The following TMEFF2 variants were observed in gnomAD, a reference collection of about 807,000 sequenced individuals.
TMEFF2 encodes the protein tomoregulin-2.
TMEFF2 carries 28 observed loss-of-function variants against 53.8 expected under a neutral mutation model. The observed-to-expected ratio is 0.52, with a 90% CI of 0.39 to 0.71. The LOEUF (loss-of-function observed/expected upper bound fraction) is 0.71. Among genes scored for constraint, TMEFF2 ranks in the 30% least tolerant of loss-of-function variants. The probability of loss-of-function intolerance (pLI) is 0.00; values close to 1 mark genes in which losing one functional copy is unlikely to be tolerated. For synonymous variants in TMEFF2, 162 were observed against 166.3 expected, an observed-to-expected ratio of 0.97 and a Z score of 0.20; for missense variants, 353 against 455.2, an observed-to-expected ratio of 0.78 and a Z score of 2.04.
At chr2:191,994,741 G>A (rs952303027) in intron 7 of TMEFF2, among the ~76,000 whole-genome samples, 3 of 151,900 alleles carry the variant, frequency 2.0e-5, no homozygotes, top group African/African-American at 4.8e-5. Context: ...TTGTGTTCCC[G>A]AATCTTTCTG....
Position 192,057,714 on chromosome 2 carries a change from A to G in TMEFF2, c.501T>C (p.Phe167=), listed in dbSNP as rs750880964. The change falls in exon 5 of 10, where the codon TTT becomes TTC. Residue 167 remains phenylalanine, a synonymous_variant. Coordinates refer to ENST00000272771, the MANE Select transcript of TMEFF2 (RefSeq NM_016192.4). ...CGGCATCTTCGTCACATTCTGCACC[A>G]AACTGGCAAATATCACAGGTGGATG... The part of the protein sequence containing the change: ...KETSTCDICQ[F]GAECDEDAED... The G allele has an allele frequency of 1.7e-5, 28 of 1,613,976 alleles. 1 individual carries two copies. The South Asian group carries it at 3.0e-4, about 17-fold the overall frequency.
Position 191,949,406 on chromosome 2 carries a change from T to TCTAA in TMEFF2, c.*901_*904dup, listed in dbSNP as rs758317381. 122 of 985,282 alleles carry TCTAA rather than the reference T, an allele frequency of 1.2e-4. No homozygotes were observed. Among genetic ancestry groups the TCTAA allele is most frequent in the East Asian group, 2.3e-4 (2 of 8,834 alleles). The allele number at this position is 985,282 out of a possible 1,614,324, so 61.0% of individuals were successfully genotyped here. On this transcript the variant is annotated 3_prime_UTR_variant, in exon 10 of 10. Coordinates refer to ENST00000272771, the MANE Select transcript of TMEFF2 (RefSeq NM_016192.4). The stretch of plus-strand genomic sequence containing the variant: ...CTATTCATGGGGTATTGGTTGTGAT[T>TCTAA]CTAACTTCTTTTCAAAGAACTATAT...
At chr2:192,183,998 A>G (rs554092058) in intron 3 of TMEFF2, among the ~76,000 whole-genome samples, 117 of 152,240 alleles carry the variant, frequency 7.7e-4, no homozygotes, top group African/African-American at 2.7e-3. Context: ...ACAAACACAA[A>G]TAAACAATAC....
chr2:192,157,757 G>T (rs1017665390), intron 4 of TMEFF2, among the ~76,000 whole-genome samples: 2 of 151,966 alleles, frequency 1.3e-5, no homozygotes, highest in East Asian at 3.9e-4. Context: ...TAAAATCTTT[G>T]ATAATAGGAA....
At position 192,016,809 on chromosome 2, in the gene TMEFF2, G is replaced by T. The variant is rs553099176; in HGVS notation, c.537-17601C>A. Among the ~76,000 whole-genome samples the T allele has an allele frequency of 4.6e-5, 7 of 152,306 alleles. No homozygotes were observed. In the South Asian group the frequency reaches 6.2e-4, roughly 14 times the overall value. Reference sequence around the variant, plus strand: ...GCTGTAGAAGAAAAATTGCAAAGCAGAATTTTAGTGTTTTCATTCATTTAG... The same window carrying T: ...GCTGTAGAAGAAAAATTGCAAAGCATAATTTTAGTGTTTTCATTCATTTAG... On this transcript the variant is annotated intron_variant, in intron 5 of 9. Transcript: ENST00000272771.
rs1574323274 is a variant in TMEFF2, at chr2:192,046,801, G to C, written c.536+10878C>G. ...GAAGACAATTTTAATTGAAAGTTAA[G>C]TTGCATACTGTAATCAAATATATCA... On this transcript the variant is annotated intron_variant, in intron 5 of 9. Coordinates refer to ENST00000272771, the MANE Select transcript of TMEFF2 (RefSeq NM_016192.4). Among the ~76,000 whole-genome samples the C allele has an allele frequency of 1.3e-5, 2 of 151,920 alleles. 1 individual carries two copies. The highest frequency in any genetic ancestry group is 4.8e-5 in the African/African-American group (2 of 41,332).
At chr2:192,075,330 T>TATATATATATATATATATATAC (rs1559115271) in intron 4 of TMEFF2, among the ~76,000 whole-genome samples, 1 of 100,980 alleles carries the variant, frequency 9.9e-6, no homozygotes, top group African/African-American at 4.2e-5. Flanking sequence ...TATATATATA[T>TATATATATATATATATATATAC]ATACATACAT....
chr2:192,147,401 T>C (rs1194423000), intron 4 of TMEFF2, among the ~76,000 whole-genome samples: 1 of 152,084 alleles, frequency 6.6e-6, no homozygotes, highest in Admixed American at 6.6e-5. Flanking sequence ...TACATATGTA[T>C]ACATGTGCCA....
intron 7 of TMEFF2, among the ~76,000 whole-genome samples, chr2:191,965,509 A>C (rs1692444791): frequency 6.6e-6 from 1 of 152,190 alleles, no homozygotes. Context: ...AGAAAACGTG[A>C]GTACATTTTG....
intron 4 of TMEFF2, among the ~76,000 whole-genome samples, chr2:192,082,623 A>G (rs1688579193): frequency 6.6e-6 from 1 of 152,076 alleles, no homozygotes; most frequent in Admixed American, 6.5e-5. Context: ...TATGTTTGTT[A>G]ACTATGTTTA....
At chr2:192,053,227 CCTT>C (rs1168220786) in intron 5 of TMEFF2, among the ~76,000 whole-genome samples, 26 of 152,104 alleles carry the variant, frequency 1.7e-4, no homozygotes, top group African/African-American at 5.3e-4. Context: ...CTTTTATTCT[CCTT>C]CTCTTTCCCC....
Position 191,949,091 on chromosome 2 carries a change from C to T in TMEFF2, c.*1220G>A. 4.1e-6 allele frequency: 4 copies of T among 984,988 alleles called. No individual in the cohort carries two copies. The highest frequency in any genetic ancestry group is 4.8e-6 in the Non-Finnish European group (4 of 829,766). 61.0% of individuals were successfully genotyped at this position (984,988 alleles called of 1,614,324 possible). A position where few individuals can be genotyped will look rare whatever the true frequency, so the allele number is the denominator to read the frequency against. On this transcript the variant is annotated 3_prime_UTR_variant, in exon 10 of 10. Coordinates refer to ENST00000272771, the MANE Select transcript of TMEFF2 (RefSeq NM_016192.4). ...CTTTATTTAAATTTACTGTGTTAGC[C>T]ATGGAAAGCTTTGCAGAGCTAAATG... is the stretch of plus-strand genomic sequence containing the variant.
chr2:192,153,282 G>A (rs572588597), intron 4 of TMEFF2, among the ~76,000 whole-genome samples: 1 of 151,858 alleles, frequency 6.6e-6, no homozygotes, highest in South Asian at 2.1e-4. Context: ...TATACAGCAT[G>A]ATATACCTGA....
At chr2:191,954,956 C>T (rs568814018) in intron 8 of TMEFF2, among the ~76,000 whole-genome samples, 61 of 152,224 alleles carry the variant, frequency 4.0e-4, no homozygotes, top group Non-Finnish European at 1.6e-4. Context: ...CTCATAACTA[C>T]ATCCTGAGAA....
chr2:192,110,784 C>T (rs755368752), intron 4 of TMEFF2, among the ~76,000 whole-genome samples: 2 of 152,134 alleles, frequency 1.3e-5, no homozygotes, highest in Non-Finnish European at 2.9e-5. Flanking sequence ...ACCCAAATCT[C>T]ATCTTGAATT....
chr2:192,177,628 G>A (rs1414282442), intron 4 of TMEFF2: 1 of 150,866 alleles, frequency 6.6e-6, no homozygotes, highest in Non-Finnish European at 1.5e-5. Flanking sequence ...AACATCGGAA[G>A]TTGTTTTTGT....
intron 4 of TMEFF2, among the ~76,000 whole-genome samples, chr2:192,135,047 C>T (rs900767669): frequency 4.6e-5 from 7 of 152,186 alleles, no homozygotes; most frequent in African/African-American, 1.7e-4. Context: ...ATAGATGCTC[C>T]TTTTTATTAG....
At chr2:192,168,292 T>C (rs751430472) in intron 4 of TMEFF2, among the ~76,000 whole-genome samples, 1 of 152,076 alleles carries the variant, frequency 6.6e-6, no homozygotes, top group Non-Finnish European at 1.5e-5. Context: ...TTTACTATCA[T>C]TATAACTCCT....
chr2:192,048,951 C>A (rs774198075), intron 5 of TMEFF2, among the ~76,000 whole-genome samples: 3 of 152,072 alleles, frequency 2.0e-5, no homozygotes, highest in Non-Finnish European at 4.4e-5. Context: ...GAAAAACAAA[C>A]AAATGAAAAC....
Sources: gnomAD v4.1 joint callset for allele counts (sites outside exome capture counted in the v4.1 genomes callset) on GRCh38, gnomAD v4.1.1 for gene constraint, MANE v1.5 for transcripts, NCBI Gene and HGNC (gene_info 2026-07-23, HGNC 2026-07-21) for gene names.